Variants in ZNF821 observed in about 807,000 individuals in gnomAD.
ZNF821 encodes the protein zinc finger protein 821.
In ZNF821, 16 loss-of-function variants were observed where a neutral mutation model predicts 44.3. The observed-to-expected ratio is 0.36, with a 90% CI of 0.24 to 0.55. The LOEUF (loss-of-function observed/expected upper bound fraction) is 0.55. ZNF821 is among the 20% of genes least tolerant of loss of function. The pLI, the probability that ZNF821 is intolerant of heterozygous loss-of-function variation, is 0.86. For synonymous variants in ZNF821, 204 were observed against 197.6 expected (o/e 1.03, Z -0.27); for missense variants, 436 against 547.6 (o/e 0.80, Z 2.03).
At chr16:71,892,812 A>G (rs867649488) in intron 1 of ZNF821, among the ~76,000 whole-genome samples, 36 of 145,224 alleles carry the variant, frequency 2.5e-4, no homozygotes, top group African/African-American at 9.0e-4. Flanking sequence ...GGTCACTGCA[A>G]CCTCCGCCTC....
chr16:71,863,329 G>A (rs1284323037), intron 6 of ZNF821, among the ~76,000 whole-genome samples: 1 of 151,250 alleles, frequency 6.6e-6, no homozygotes, highest in Non-Finnish European at 1.5e-5. Context: ...GTGTCTGCCC[G>A]GAAACCCAGA....
chr16:71,868,032 G>A lies in ZNF821; in HGVS notation c.46C>T (p.Gln16Ter). Residue 16 changes from glutamine to a stop codon, truncating the protein, a stop_gained, in exon 4 of 8, where the codon CAA becomes TAA. Coordinates refer to ENST00000425432, the MANE Select transcript of ZNF821 (RefSeq NM_001201552.2). LOFTEE classifies it high-confidence loss of function. The stretch of plus-strand genomic sequence containing the variant: ...TGCTCTTCTAGCCCAGCAAATACTT[G>A]ATCCCCTGGTGGTCACAAGGAAAAA... ...QTNPNKVHWD[Q>*]VFAGLEEQAR... 6.5e-7 allele frequency: 1 copy of A among 1,534,956 alleles called. No homozygotes were observed. The highest frequency in any genetic ancestry group is 8.7e-7 in the Non-Finnish European group (1 of 1,146,520).
chr16:71,873,032 G>A (rs2035389879), intron 3 of ZNF821, among the ~76,000 whole-genome samples: 2 of 152,026 alleles, frequency 1.3e-5, no homozygotes, highest in Admixed American at 6.6e-5. Context: ...ACAGAAATGT[G>A]TACTCAGGGC....
At chr16:71,870,116 T>C (rs1343713008) in intron 3 of ZNF821, among the ~76,000 whole-genome samples, 30 of 152,192 alleles carry the variant, frequency 2.0e-4, no homozygotes, top group Non-Finnish European at 1.5e-5. Context: ...AGCAAAATTA[T>C]GTTATCAGGG....
At chr16:71,874,565 T>C (rs1271672279) in intron 3 of ZNF821, among the ~76,000 whole-genome samples, 1 of 152,102 alleles carries the variant, frequency 6.6e-6, no homozygotes, top group East Asian at 1.9e-4. Flanking sequence ...GCAATCCTCC[T>C]GCCTCAGCCC....
intron 3 of ZNF821, among the ~76,000 whole-genome samples, chr16:71,873,814 G>T (rs1472340970): frequency 6.6e-6 from 1 of 151,550 alleles, no homozygotes; most frequent in Non-Finnish European, 1.5e-5. Context: ...CACTGTGCCT[G>T]GCTAATTTTT....
chr16:71,864,198 C>G lies in ZNF821; in HGVS notation c.357G>C (p.Gln119His). ...LNSDPLLELC[Q>H]CPLCQLDCGS... Reference sequence around the variant, plus strand: ...CGCAGTCTAGCTGGCAGAGGGGACACTGGCAGAGTTCAAGCAAGGGGTCAG... The same window carrying G: ...CGCAGTCTAGCTGGCAGAGGGGACAGTGGCAGAGTTCAAGCAAGGGGTCAG... The change falls in exon 6 of 8, where the codon CAG (glutamine) becomes CAC (histidine). Residue 119 changes from glutamine to histidine, a missense_variant. By Grantham distance (24) the Gln-to-His change is conservative (BLOSUM62 0). Around this residue, in one of 5 missense-constraint regions of ZNF821, gnomAD observed 238 missense variants for 281.4 expected, o/e 0.85. Transcript: ENST00000425432. 2 of 1,614,256 alleles carry G rather than the reference C, an allele frequency of 1.2e-6. No homozygotes were observed. Among genetic ancestry groups the G allele is most frequent in the East Asian group, 2.2e-5 (1 of 44,882 alleles).
chr16:71,883,446 G>C lies in ZNF821; in HGVS notation c.-140-173C>G, dbSNP rs1001961091. ...ACCAGACAAGAGCCTGACAAGAGCC[G>C]GAGGTCTTCCGAGGCGGCTCAGACA... On this transcript the variant is annotated intron_variant, in intron 1 of 7. Transcript: ENST00000425432. 1.8e-5 allele frequency: 6 copies of C among 337,722 alleles called. No individual in the cohort carries two copies. In the East Asian group the frequency reaches 3.9e-4, roughly 22 times the overall value. 20.9% of individuals were successfully genotyped at this position (337,722 alleles called of 1,614,324 possible). A position where few individuals can be genotyped will look rare whatever the true frequency, so the allele number is the denominator to read the frequency against.
chr16:71,864,974 C>A lies in ZNF821; in HGVS notation c.241G>T (p.Val81Leu). 2 of 1,614,206 alleles carry A rather than the reference C, an allele frequency of 1.2e-6. No individual in the cohort carries two copies. Among genetic ancestry groups the A allele is most frequent in the Non-Finnish European group, 8.5e-7 (1 of 1,180,042 alleles). ...TCTAACTCTTTCTCCACTTTGACCA[C>A]CCCTCCATCTTCCTCTGATGTGTGG... Reference protein sequence around the residue: ...SSHTSEEDGGVVKVEKELENT... With the variant: ...SSHTSEEDGGLVKVEKELENT... The change falls in exon 5 of 8, where the codon GTG becomes TTG. Residue 81 changes from valine to leucine, a missense_variant. By Grantham distance (32) the Val-to-Leu change is conservative. This residue lies in a region of ZNF821 where 238 missense variants were observed against 281.4 expected (regional missense o/e 0.85). Coordinates refer to ENST00000425432, the MANE Select transcript of ZNF821 (RefSeq NM_001201552.2).
At chr16:71,894,987 G>A (rs1380689920) in exon 1 of ZNF821, 10 of 674,680 alleles carry the variant, frequency 1.5e-5, no homozygotes, top group Non-Finnish European at 2.3e-5. Context: ...AAGGGCAACC[G>A]GACGGCTTAA....
Position 71,861,759 on chromosome 16 carries a change from A to AT in ZNF821, c.584+16dup, listed in dbSNP as rs2033923200. Reference sequence around the variant, plus strand: ...GTAATTTGCTCCCAGCACAACAGGGATAAGTGCCCAGCTGACCTGTTAAAA... The same window carrying AT: ...GTAATTTGCTCCCAGCACAACAGGGATTAAGTGCCCAGCTGACCTGTTAAAA... On this transcript the variant is annotated intron_variant, in intron 7 of 7. Transcript: ENST00000425432. 6.2e-7 allele frequency: 1 copy of AT among 1,613,214 alleles called. No individual in the cohort carries two copies. The highest frequency in any genetic ancestry group is 8.5e-7 in the Non-Finnish European group (1 of 1,179,916).
upstream of ZNF821, chr16:71,884,823 G>A (rs2036780932): frequency 6.6e-6 from 1 of 151,646 alleles, no homozygotes; most frequent in African/African-American, 2.4e-5. Context: ...GTCACTTGAG[G>A]GATGTTTGGG....
intron 6 of ZNF821, 27 bp downstream of exon 6, chr16:71,864,111 C>T (rs769900102): frequency 1.3e-6 from 2 of 1,593,686 alleles, no homozygotes; most frequent in East Asian, 2.2e-5. Context: ...ACTTGTGTTC[C>T]AGAGCACACA....
chr16:71,885,643 A>G (rs1434536071), upstream of ZNF821, among the ~76,000 whole-genome samples: 1 of 152,200 alleles, frequency 6.6e-6, no homozygotes, highest in Non-Finnish European at 1.5e-5. Flanking sequence ...CTTTTATGAG[A>G]TGATCTCATT....
At chr16:71,863,480 AG>A (rs2034165300) in intron 6 of ZNF821, among the ~76,000 whole-genome samples, 2 of 141,688 alleles carry the variant, frequency 1.4e-5, no homozygotes, top group African/African-American at 5.4e-5. Context: ...TCAACCTCCT[AG>A]GCTCAAGCTA....
chr16:71,877,750 C>G (rs866654125), intron 3 of ZNF821, among the ~76,000 whole-genome samples: 3 of 151,338 alleles, frequency 2.0e-5, no homozygotes, highest in Non-Finnish European at 2.9e-5. Flanking sequence ...GAAACCCCGT[C>G]TCTACAAAAA....
chr16:71,868,796 C>G (rs993537440), intron 3 of ZNF821, among the ~76,000 whole-genome samples: 1 of 151,498 alleles, frequency 6.6e-6, no homozygotes, highest in African/African-American at 2.4e-5. Flanking sequence ...GGCTGGAGTA[C>G]AGTGCTGGCA....
chr16:71,883,987 G>A lies in ZNF821; in HGVS notation c.-220C>T, dbSNP rs2036708622. The A allele has an allele frequency of 6.6e-6, 1 of 152,108 alleles. No homozygotes were observed. Among genetic ancestry groups the A allele is most frequent in the Admixed American group, 6.5e-5 (1 of 15,282 alleles). 9.4% of individuals were successfully genotyped at this position (152,108 alleles called of 1,614,324 possible). A position where few individuals can be genotyped will look rare whatever the true frequency, so the allele number is the denominator to read the frequency against. On this transcript the variant is annotated 5_prime_UTR_variant, in exon 1 of 8. Transcript: ENST00000425432. ...GACGGACCGCCGGACAATGGACCCG[G>A]GACCGCAGCCCAAGCCAGCCGGGCC...
At chr16:71,862,209 G>A (rs2033977670) in intron 6 of ZNF821, among the ~76,000 whole-genome samples, 1 of 152,202 alleles carries the variant, frequency 6.6e-6, no homozygotes, top group African/African-American at 2.4e-5. Context: ...AGGCACAGTG[G>A]CTCATGCCTG....
Sources: gnomAD v4.1 joint callset for allele counts (sites outside exome capture counted in the v4.1 genomes callset) on GRCh38, gnomAD v4.1.1 for gene constraint, gnomAD v4.1.1 regional missense constraint, MANE v1.5 for transcripts, NCBI Gene and HGNC (gene_info 2026-07-23, HGNC 2026-07-21) for gene names.